The following TENM1 variants were observed in gnomAD, a reference collection of about 807,000 sequenced individuals.
TENM1 encodes teneurin-1.
In TENM1, 35 loss-of-function variants were observed where a neutral mutation model predicts 174.8. The observed-to-expected ratio is 0.20, with a 90% CI of 0.15 to 0.27. The LOEUF (loss-of-function observed/expected upper bound fraction) is 0.27, where lower values mean the gene tolerates loss of function less well. Ranked by LOEUF, TENM1 falls within the 10% of genes least tolerant of loss-of-function variation. The pLI is 1.00. For missense variants in TENM1, 1,633 were observed against 2,130.1 expected (o/e 0.77, Z 4.59); for synonymous variants, 781 against 798.7 (o/e 0.98, Z 0.37).
intron 3 of TENM1, among the ~76,000 whole-genome samples, chrX:124,808,766 T>C (rs1351505694): frequency 1.8e-5 from 2 of 111,801 alleles, no homozygotes; most frequent in East Asian, 5.6e-4. Flanking sequence ...AATTTAAAAT[T>C]TTCCTGAGAC....
At chrX:124,825,021 T>G (rs972862898) in intron 3 of TENM1, among the ~76,000 whole-genome samples, 16 of 110,277 alleles carry the variant, frequency 1.5e-4, no homozygotes, top group Non-Finnish European at 3.8e-5. Flanking sequence ...TACACTGAAG[T>G]AAAAATGATG....
chrX:124,838,558 GA>G (rs2056436289), intron 3 of TENM1, among the ~76,000 whole-genome samples: 2 of 110,832 alleles, frequency 1.8e-5, no homozygotes, highest in Non-Finnish European at 3.8e-5. Flanking sequence ...CTGCTCCAAA[GA>G]AAATCAAGAA....
chrX:124,827,959 T>C (rs899646994), intron 3 of TENM1, among the ~76,000 whole-genome samples: 8 of 111,682 alleles, frequency 7.2e-5, no homozygotes, highest in Non-Finnish European at 1.5e-4. Context: ...TTTATATGTA[T>C]ATATTTCAAC....
chrX:124,551,691 A>G (rs1000449851), intron 14 of TENM1, among the ~76,000 whole-genome samples: 5 of 111,981 alleles, frequency 4.5e-5, no homozygotes, highest in African/African-American at 1.6e-4. Context: ...ATTTACATTT[A>G]TTATGTTCAG....
upstream of TENM1, among the ~76,000 whole-genome samples, chrX:124,968,112 A>G (rs747669301): frequency 8.9e-6 from 1 of 112,184 alleles, no homozygotes; most frequent in South Asian, 3.7e-4. Flanking sequence ...ATATATACAG[A>G]AACTTTGAAA....
chrX:124,407,919 C>T (rs945665505), intron 25 of TENM1, among the ~76,000 whole-genome samples: 5 of 111,612 alleles, frequency 4.5e-5, no homozygotes, highest in Admixed American at 9.5e-5. Context: ...GCTAAGGACG[C>T]GTTATCAAAG....
intron 10 of TENM1, 149 bp from the exon 14 acceptor site, chrX:124,642,140 A>T: frequency 2.0e-6 from 1 of 488,462 alleles, no homozygotes; most frequent in Non-Finnish European, 3.6e-6. Flanking sequence ...GACTCATGCA[A>T]ACACTCTGTC....
the TENM1 span, among the ~76,000 whole-genome samples, chrX:125,176,241 G>T: frequency 9.0e-6 from 1 of 111,558 alleles, no homozygotes; most frequent in Non-Finnish European, 1.9e-5. Context: ...TATTTCATTT[G>T]ATACTATACA....
chrX:124,722,281 C>T (rs963503281), intron 4 of TENM1, among the ~76,000 whole-genome samples: 2 of 112,065 alleles, frequency 1.8e-5, no homozygotes, highest in Admixed American at 1.9e-4. Context: ...TCAATGCAAG[C>T]TCTGTGCATA....
chrX:124,693,722 C>T (rs1318500729), intron 5 of TENM1, among the ~76,000 whole-genome samples: 2 of 109,789 alleles, frequency 1.8e-5, no homozygotes, highest in Non-Finnish European at 1.9e-5. Context: ...TGTTTTATTG[C>T]TGTTTTTTTC....
intron 1 of TENM1, among the ~76,000 whole-genome samples, chrX:124,906,767 C>A (rs2057755555): frequency 1.8e-5 from 2 of 111,623 alleles, no homozygotes; most frequent in Admixed American, 1.9e-4. Context: ...AATATAACGA[C>A]ATAAACAAAT....
intron 11 of TENM1, among the ~76,000 whole-genome samples, chrX:124,592,839 G>A (rs1484620533): frequency 9.3e-6 from 1 of 107,859 alleles, no homozygotes; most frequent in African/African-American, 3.4e-5. Flanking sequence ...AGAATGCTGG[G>A]TATGGGCTGT....
intron 11 of TENM1, among the ~76,000 whole-genome samples, chrX:124,618,514 T>A (rs1341534724): frequency 8.9e-6 from 1 of 112,186 alleles, no homozygotes; most frequent in Non-Finnish European, 1.9e-5. Context: ...TTTCCCATTA[T>A]ATTTTGTCAT....
At chrX:124,587,958 A>G (rs867393701) in intron 11 of TENM1, among the ~76,000 whole-genome samples, 1 of 112,368 alleles carries the variant, frequency 8.9e-6, no homozygotes, top group Non-Finnish European at 1.9e-5. Context: ...ATCACTGGCT[A>G]TCAGAGAAAT....
chrX:125,057,503 A>G, the TENM1 span, among the ~76,000 whole-genome samples: 1 of 111,197 alleles, frequency 9.0e-6, no homozygotes, highest in East Asian at 2.8e-4. Flanking sequence ...GTAGTTCCAA[A>G]AGTTAATATC....
chrX:124,563,860 T>C, intron 12 of TENM1, 88 bp from the exon 16 acceptor site: 1 of 893,729 alleles, frequency 1.1e-6, no homozygotes, highest in Non-Finnish European at 1.6e-6. Flanking sequence ...ATCTGTTGCC[T>C]GGGAGGAGAA....
At chrX:124,840,210 TATAAC>T (rs968784080) in intron 3 of TENM1, among the ~76,000 whole-genome samples, 1 of 111,723 alleles carries the variant, frequency 9.0e-6, no homozygotes, top group Admixed American at 9.6e-5. Context: ...CATTGGAACT[TATAAC>T]ATGAGATTCT....
At chrX:124,419,119 A>T (rs1201415277) in intron 25 of TENM1, among the ~76,000 whole-genome samples, 1 of 112,253 alleles carries the variant, frequency 8.9e-6, no homozygotes, top group East Asian at 2.8e-4. Flanking sequence ...ATGGAAGAGA[A>T]TTACTTTCAA....
At chrX:124,637,582 C>T (rs922855451) in intron 11 of TENM1, among the ~76,000 whole-genome samples, 1 of 111,550 alleles carries the variant, frequency 9.0e-6, no homozygotes, top group African/African-American at 3.3e-5. Flanking sequence ...TGACACTACC[C>T]TCTTTAAACA....
Sources: gnomAD v4.1 joint callset for allele counts (sites outside exome capture counted in the v4.1 genomes callset) on GRCh38, gnomAD v4.1.1 for gene constraint, MANE v1.5 for transcripts, NCBI Gene and HGNC (gene_info 2026-07-23, HGNC 2026-07-21) for gene names.